The following EBF2 variants were observed in gnomAD, a reference collection of about 807,000 sequenced individuals.
The protein encoded by EBF2 is EBF transcription factor 2.
Under a neutral mutation model 72.8 loss-of-function variants are expected in EBF2, and 21 were observed. The ratio of observed to expected loss-of-function variants is 0.29; its 90% CI spans 0.20 to 0.42. EBF2 has a LOEUF of 0.42. Among genes scored for constraint, EBF2 ranks in the 10% least tolerant of loss-of-function variants. The pLI, the probability that EBF2 is intolerant of heterozygous loss-of-function variation, is 1.00. For missense variants in EBF2, 637 were observed against 731.2 expected (o/e 0.87, Z 1.49); for synonymous variants, 299 against 274.2 (o/e 1.09, Z -0.89).
chr8:25,955,936 C>G (rs1803936717), intron 6 of EBF2, among the ~76,000 whole-genome samples: 1 of 152,158 alleles, frequency 6.6e-6, no homozygotes, highest in African/African-American at 2.4e-5. Context: ...GGGCTCACAC[C>G]TGTAAGCCCA....
chr8:26,028,802 G>T (rs1223327049), intron 6 of EBF2, among the ~76,000 whole-genome samples: 1 of 152,190 alleles, frequency 6.6e-6, no homozygotes, highest in South Asian at 2.1e-4. Context: ...TAAGAATGAT[G>T]TTTCATTAGT....
chr8:25,907,593 G>A (rs1181323484), intron 7 of EBF2, among the ~76,000 whole-genome samples: 1 of 152,034 alleles, frequency 6.6e-6, no homozygotes, highest in African/African-American at 2.4e-5. Context: ...CCTACTTACT[G>A]TGATTAGGGG....
intron 7 of EBF2, among the ~76,000 whole-genome samples, chr8:25,903,431 C>A (rs1295739719): frequency 6.6e-6 from 1 of 152,002 alleles, no homozygotes; most frequent in Admixed American, 6.5e-5. Context: ...CGCGGTGGCT[C>A]ACGCCTGTAA....
intron 6 of EBF2, among the ~76,000 whole-genome samples, chr8:25,934,880 T>C (rs1451254990): frequency 6.7e-6 from 1 of 149,056 alleles, no homozygotes; most frequent in Non-Finnish European, 1.5e-5. Context: ...GCAAATCCCC[T>C]ACGTTCTAGC....
intron 10 of EBF2, among the ~76,000 whole-genome samples, chr8:25,876,660 G>A (rs1185838437): frequency 1.3e-5 from 2 of 152,102 alleles, no homozygotes; most frequent in Admixed American, 1.3e-4. Context: ...CCAAACAGAT[G>A]GCCTTGGTAT....
intron 6 of EBF2, among the ~76,000 whole-genome samples, chr8:25,994,640 A>T (rs75573493): frequency 0.044 from 6,686 of 152,286 alleles, 225 homozygotes; most frequent in South Asian, 0.09. Flanking sequence ...TTTTGCAACA[A>T]TGTGGATACA....
chr8:26,036,846 C>G (rs904577712), intron 5 of EBF2, among the ~76,000 whole-genome samples: 1 of 151,844 alleles, frequency 6.6e-6, no homozygotes, highest in African/African-American at 2.4e-5. Context: ...ACAAGCAAGT[C>G]TGAAGTTCCT....
At chr8:25,950,982 G>A (rs912926125) in intron 6 of EBF2, among the ~76,000 whole-genome samples, 6 of 152,242 alleles carry the variant, frequency 3.9e-5, no homozygotes, top group East Asian at 1.9e-4. Context: ...CAAGGACAAA[G>A]TAATGTTTAT....
chr8:26,040,927 A>G lies in EBF2; in HGVS notation c.352+12T>C. The G allele has an allele frequency of 6.2e-7, 1 of 1,613,982 alleles. No individual in the cohort carries two copies. Among genetic ancestry groups the G allele is most frequent in the South Asian group, 1.1e-5 (1 of 91,030 alleles). ...CTAGGCGCCGGCTCACCGTTGCTGT[A>G]GAAGAGCTCACCGTTGCTGTAGAGG... On this transcript the variant is annotated intron_variant, in intron 3 of 15. Transcript: ENST00000520164.
chr8:25,966,521 C>A (rs967563911), intron 6 of EBF2, among the ~76,000 whole-genome samples: 1 of 152,196 alleles, frequency 6.6e-6, no homozygotes, highest in Non-Finnish European at 1.5e-5. Context: ...AAGGTAAATG[C>A]AATCTGAGAG....
At chr8:25,858,099 T>C in intron 14 of EBF2, 1 of 684,332 alleles carries the variant, frequency 1.5e-6, no homozygotes, top group Non-Finnish European at 2.7e-6. Context: ...ACGGAATTGT[T>C]TCAATCCTTT....
intron 7 of EBF2, among the ~76,000 whole-genome samples, chr8:25,908,111 G>A (rs1803069633): frequency 6.6e-6 from 1 of 152,176 alleles, no homozygotes. Flanking sequence ...AGGAGCTGTT[G>A]CTTGCAGAAA....
Position 25,858,361 on chromosome 8 carries a change from G to C in EBF2, c.1486C>G (p.Pro496Ala). Residue 496 changes from proline (P) to alanine (A), a missense_variant, in exon 14 of 16, where the codon CCA (proline) becomes GCA (alanine). By Grantham distance (27) the Pro-to-Ala change is conservative. Transcript: ENST00000520164. ...GTGGGTGAGCCATTTAGAAATCCTG[G>C]TGAACCTGGAACACCCAAGTTGGCC... Reference protein sequence around the residue: ...PMANLGVPGSPGFLNGSPTGS... With the variant: ...PMANLGVPGSAGFLNGSPTGS... The C allele has an allele frequency of 6.2e-7, 1 of 1,614,196 alleles. No individual in the cohort carries two copies. The highest frequency in any genetic ancestry group is 8.5e-7 in the Non-Finnish European group (1 of 1,180,026).
intron 6 of EBF2, among the ~76,000 whole-genome samples, chr8:25,953,289 G>A (rs140431813): frequency 6.6e-6 from 1 of 152,186 alleles, no homozygotes; most frequent in Non-Finnish European, 1.5e-5. Context: ...TGTCTTCAAT[G>A]GCTGGCACAC....
At chr8:25,885,601 G>T (rs1199339148) in intron 10 of EBF2, among the ~76,000 whole-genome samples, 2 of 152,178 alleles carry the variant, frequency 1.3e-5, no homozygotes, top group African/African-American at 4.8e-5. Flanking sequence ...GGAGGGACCT[G>T]GTGGGAGATA....
chr8:26,034,848 G>A (rs1341306519), intron 5 of EBF2, among the ~76,000 whole-genome samples: 1 of 152,240 alleles, frequency 6.6e-6, no homozygotes, highest in Non-Finnish European at 1.5e-5. Context: ...TGTAGCATAA[G>A]TTTGACATGA....
At chr8:25,910,626 T>C (rs1313823395) in intron 6 of EBF2, among the ~76,000 whole-genome samples, 1 of 152,170 alleles carries the variant, frequency 6.6e-6, no homozygotes, top group East Asian at 1.9e-4. Context: ...TCAAATTGAT[T>C]TAGGGAAACA....
intron 7 of EBF2, among the ~76,000 whole-genome samples, chr8:25,898,663 T>A (rs1481993168): frequency 6.6e-6 from 1 of 152,118 alleles, no homozygotes; most frequent in Non-Finnish European, 1.5e-5. Flanking sequence ...CTAGCAAAAG[T>A]TTTGAGAGCC....
intron 7 of EBF2, among the ~76,000 whole-genome samples, chr8:25,895,532 G>T (rs1802851980): frequency 6.6e-6 from 1 of 152,154 alleles, no homozygotes; most frequent in South Asian, 2.1e-4. Context: ...AAAAATACAA[G>T]AAAGTTTTAA....
Sources: allele counts gnomAD v4.1 joint callset (sites outside exome capture counted in the v4.1 genomes callset), GRCh38; gene constraint gnomAD v4.1.1; transcripts MANE v1.5; gene names NCBI Gene and HGNC (gene_info 2026-07-23, HGNC 2026-07-21).